Variants in MAML2 observed in about 807,000 individuals in gnomAD.
The protein encoded by MAML2 is mastermind like transcriptional coactivator 2.
MAML2 carries 22 observed loss-of-function variants against 96.1 expected under a neutral mutation model. The ratio of observed to expected loss-of-function variants is 0.23; its 90% CI spans 0.16 to 0.33. MAML2 has a LOEUF of 0.33. MAML2 is among the 10% of genes least tolerant of loss of function. The pLI, the probability that MAML2 is intolerant of heterozygous loss-of-function variation, is 1.00. For synonymous variants in MAML2, 561 were observed against 521.3 expected (o/e 1.08, Z -1.04); for missense variants, 1,367 against 1,392.4 (o/e 0.98, Z 0.29).
intron 1 of MAML2, among the ~76,000 whole-genome samples, chr11:96,334,807 C>A (rs764404246): frequency 6.6e-6 from 1 of 152,226 alleles, no homozygotes; most frequent in South Asian, 2.1e-4. Flanking sequence ...CTTTGGAGAG[C>A]TGTAGCATGT....
rs150945411 is a variant in MAML2, at chr11:96,041,261, C to T, written c.2140-49538G>A. ...ATCCCAGCACTTTGGGAGGCTGAGGCAAGTGGATCACTTGAGGTCAGGAGT... is the reference window on the plus strand; with the variant it reads ...ATCCCAGCACTTTGGGAGGCTGAGGTAAGTGGATCACTTGAGGTCAGGAGT... On this transcript the variant is annotated intron_variant, in intron 2 of 4. Coordinates refer to ENST00000524717, the MANE Select transcript of MAML2 (RefSeq NM_032427.4). 9.9e-3 allele frequency among the ~76,000 whole-genome samples: 1,489 copies of T among 151,026 alleles called. 29 individuals are homozygous for T. The highest frequency in any genetic ancestry group is 0.034 in the African/African-American group (1,404 of 41,072).
chr11:95,979,762 C>T lies in MAML2; in HGVS notation c.2657G>A (p.Gly886Glu), dbSNP rs1565179454. The change falls in exon 5 of 5, where the codon GGA (glycine) becomes GAA (glutamate). Residue 886 changes from glycine (G) to glutamate (E), a missense_variant. Coordinates refer to ENST00000524717, the MANE Select transcript of MAML2 (RefSeq NM_032427.4). ...NQPNTYSVTS[G>E]MNQLTQQRNP... The stretch of plus-strand genomic sequence containing the variant: ...TCTCTGTTGGGTCAATTGATTCATT[C>T]CTGAAGTGACACTGTATGTGTTAGG... 2 of 1,613,900 alleles carry T rather than the reference C, an allele frequency of 1.2e-6. No individual in the cohort carries two copies.
At chr11:96,289,849 TAA>T (rs1863186302) in intron 1 of MAML2, among the ~76,000 whole-genome samples, 1 of 150,424 alleles carries the variant, frequency 6.6e-6, no homozygotes, top group South Asian at 2.1e-4. Context: ...AAAATCATTT[TAA>T]AGTCTTTTGA....
intron 1 of MAML2, among the ~76,000 whole-genome samples, chr11:96,317,120 T>G (rs1565282193): frequency 6.6e-6 from 1 of 152,146 alleles, no homozygotes; most frequent in South Asian, 2.1e-4. Flanking sequence ...TTGCATTCAC[T>G]GAAATGGTGC....
chr11:96,173,719 G>A (rs773074446), intron 1 of MAML2, among the ~76,000 whole-genome samples: 22 of 152,188 alleles, frequency 1.4e-4, no homozygotes, highest in African/African-American at 2.2e-4. Flanking sequence ...CAGGGGCGTC[G>A]AGAAGGTAAG....
intron 1 of MAML2, among the ~76,000 whole-genome samples, chr11:96,303,555 A>G (rs1443492170): frequency 1.3e-5 from 2 of 152,168 alleles, no homozygotes; most frequent in Non-Finnish European, 2.9e-5. Flanking sequence ...TGGCCCATAT[A>G]AATTTTTTAT....
intron 2 of MAML2, among the ~76,000 whole-genome samples, chr11:96,087,072 G>A (rs1859627913): frequency 6.6e-6 from 1 of 152,164 alleles, no homozygotes; most frequent in Non-Finnish European, 1.5e-5. Flanking sequence ...ATAACCCTGA[G>A]CAAGTGATTT....
At chr11:96,082,823 C>T (rs951684810) in intron 2 of MAML2, among the ~76,000 whole-genome samples, 9 of 152,046 alleles carry the variant, frequency 5.9e-5, no homozygotes, top group African/African-American at 1.9e-4. Flanking sequence ...GAGGCAGAGA[C>T]GTGGATGGTC....
chr11:96,108,383 T>C (rs910335622), intron 1 of MAML2, among the ~76,000 whole-genome samples: 2 of 152,196 alleles, frequency 1.3e-5, no homozygotes, highest in African/African-American at 4.8e-5. Flanking sequence ...GAACACAGCA[T>C]GCAGCAAGAA....
intron 1 of MAML2, among the ~76,000 whole-genome samples, chr11:96,128,585 A>T (rs141708812): frequency 4.6e-5 from 7 of 152,196 alleles, no homozygotes; most frequent in African/African-American, 1.7e-4. Flanking sequence ...CTAAGATATT[A>T]CACAGCTTCC....
At chr11:96,104,614 T>C (rs1259988805) in intron 1 of MAML2, among the ~76,000 whole-genome samples, 2 of 152,188 alleles carry the variant, frequency 1.3e-5, no homozygotes, top group Non-Finnish European at 1.5e-5. Flanking sequence ...CTTCTAGTAA[T>C]CCAGAACTGA....
chr11:96,120,384 G>A (rs892734088), intron 1 of MAML2, among the ~76,000 whole-genome samples: 2 of 152,138 alleles, frequency 1.3e-5, no homozygotes, highest in East Asian at 3.9e-4. Flanking sequence ...TTGCTTCTTT[G>A]GGAAGTTGAG....
At chr11:96,139,151 T>C (rs1343133711) in intron 1 of MAML2, among the ~76,000 whole-genome samples, 1 of 152,112 alleles carries the variant, frequency 6.6e-6, no homozygotes, top group African/African-American at 2.4e-5. Context: ...CTAATACAAC[T>C]TTGTACAGCG....
intron 1 of MAML2, among the ~76,000 whole-genome samples, chr11:96,099,147 A>C (rs1013077044): frequency 6.6e-6 from 1 of 152,096 alleles, no homozygotes; most frequent in Non-Finnish European, 1.5e-5. Context: ...TACTCAAGGG[A>C]ATATCTTGGT....
chr11:96,104,027 G>A (rs147977420), intron 1 of MAML2, among the ~76,000 whole-genome samples: 2 of 151,876 alleles, frequency 1.3e-5, no homozygotes, highest in South Asian at 2.1e-4. Context: ...CTTAAGTCTC[G>A]ACTTAATGTG....
intron 1 of MAML2, among the ~76,000 whole-genome samples, chr11:96,160,727 C>G (rs1306128610): frequency 6.6e-6 from 1 of 152,154 alleles, no homozygotes; most frequent in Non-Finnish European, 1.5e-5. Flanking sequence ...TGAGCCCAAC[C>G]CAGTTTTCTG....
At chr11:96,320,049 G>C (rs1863680592) in intron 1 of MAML2, among the ~76,000 whole-genome samples, 1 of 152,204 alleles carries the variant, frequency 6.6e-6, no homozygotes, top group Non-Finnish European at 1.5e-5. Flanking sequence ...AGAAGCTACA[G>C]TGAACTTGCC....
At chr11:96,297,801 C>T (rs1863323919) in intron 1 of MAML2, among the ~76,000 whole-genome samples, 1 of 151,980 alleles carries the variant, frequency 6.6e-6, no homozygotes, top group South Asian at 2.1e-4. Context: ...AAAGCAAATC[C>T]CGGCCATAAT....
chr11:96,235,219 C>T (rs1426406903), intron 1 of MAML2, among the ~76,000 whole-genome samples: 1 of 152,090 alleles, frequency 6.6e-6, no homozygotes, highest in Non-Finnish European at 1.5e-5. Context: ...CCAGAGCAAA[C>T]ATCAGCAAAC....
Sources: gnomAD v4.1 joint callset for allele counts (sites outside exome capture counted in the v4.1 genomes callset) on GRCh38, gnomAD v4.1.1 for gene constraint, MANE v1.5 for transcripts, NCBI Gene and HGNC (gene_info 2026-07-23, HGNC 2026-07-21) for gene names.